The following MIPEP variants were observed in gnomAD, a reference collection of about 807,000 sequenced individuals.
MIPEP encodes the protein mitochondrial intermediate peptidase.
In MIPEP, 79 loss-of-function variants were observed where a neutral mutation model predicts 90.3. The observed-to-expected ratio is 0.87, with a 90% CI of 0.73 to 1.05. MIPEP has a LOEUF of 1.05. Ranked by LOEUF, MIPEP falls within the 50% of genes least tolerant of loss-of-function variation. The probability of loss-of-function intolerance (pLI) is 0.00; values close to 1 mark genes in which losing one functional copy is unlikely to be tolerated. For missense variants in MIPEP, 940 were observed against 905.6 expected, an observed-to-expected ratio of 1.04 and a Z score of -0.49; for synonymous variants, 334 against 315.8, an observed-to-expected ratio of 1.06 and a Z score of -0.61.
chr13:23,823,184 G>C (rs1206108735), intron 14 of MIPEP, among the ~76,000 whole-genome samples: 1 of 152,100 alleles, frequency 6.6e-6, no homozygotes, highest in Non-Finnish European at 1.5e-5. Context: ...CCGTAAGGAG[G>C]AGCACTGTGT....
chr13:23,780,455 C>A (rs371749479), intron 16 of MIPEP, among the ~76,000 whole-genome samples: 5 of 151,628 alleles, frequency 3.3e-5, no homozygotes, highest in African/African-American at 9.7e-5. Context: ...CCCATCTGTA[C>A]GTCACCATCA....
At position 23,800,140 on chromosome 13, in the gene MIPEP, CAG is replaced by C. The variant is rs555235581; in HGVS notation, c.1848+5808_1848+5809del. On this transcript the variant is annotated intron_variant, in intron 16 of 18. Transcript: ENST00000382172. ...AAAACACTAAAATACAACTGCTTAA[CAG>C]ATCTTCAAAACCTAGAGTCAGCTGT... 5.3e-5 allele frequency among the ~76,000 whole-genome samples: 8 copies of C among 152,310 alleles called. No homozygotes were observed. The East Asian group carries it at 1.5e-3, about 29-fold the overall frequency.
At chr13:23,845,727 T>C (rs1869507528) in intron 10 of MIPEP, among the ~76,000 whole-genome samples, 1 of 152,242 alleles carries the variant, frequency 6.6e-6, no homozygotes, top group Admixed American at 6.5e-5. Flanking sequence ...CTTACATTCC[T>C]ACCTGCAGTG....
At chr13:23,820,236 A>G (rs1953290367) in intron 14 of MIPEP, among the ~76,000 whole-genome samples, 1 of 152,252 alleles carries the variant, frequency 6.6e-6, no homozygotes, top group Non-Finnish European at 1.5e-5. Context: ...TTGACTGAAC[A>G]GAGGCCCTGC....
At chr13:23,787,566 T>C (rs967194292) in intron 16 of MIPEP, among the ~76,000 whole-genome samples, 4 of 152,182 alleles carry the variant, frequency 2.6e-5, no homozygotes, top group Admixed American at 1.3e-4. Context: ...ACCATCCTAT[T>C]CATTTTCATT....
intron 4 of MIPEP, 79 bp from the exon 5 acceptor site, chr13:23,874,988 A>G (rs924303398): frequency 3.0e-5 from 39 of 1,278,800 alleles, no homozygotes; most frequent in Middle Eastern, 2.2e-4. Flanking sequence ...TGTTAAATAA[A>G]TAAGTCTTTT....
At chr13:23,777,137 C>T (rs532609979) in intron 16 of MIPEP, among the ~76,000 whole-genome samples, 2 of 152,040 alleles carry the variant, frequency 1.3e-5, no homozygotes, top group African/African-American at 2.4e-5. Flanking sequence ...GTGGCTTATT[C>T]TGACTTTACC....
chr13:23,864,124 GT>G lies in MIPEP; in HGVS notation c.992+16del. ...TAACATATAACCAAAAAACTAAATA[GT>G]AGAATAAAAACTAACCTTTCAGAAA... On this transcript the variant is annotated intron_variant, in intron 8 of 18. Coordinates refer to ENST00000382172, the MANE Select transcript of MIPEP (RefSeq NM_005932.4). 7.0e-7 allele frequency: 1 copy of G among 1,433,774 alleles called. No homozygotes were observed. The highest frequency in any genetic ancestry group is 9.6e-7 in the Non-Finnish European group (1 of 1,046,826). The allele number at this position is 1,433,774 out of a possible 1,614,324, so 88.8% of individuals were successfully genotyped here. A position where few individuals can be genotyped will look rare whatever the true frequency, so the allele number is the denominator to read the frequency against.
chr13:23,875,560 A>T (rs866087401), intron 4 of MIPEP, among the ~76,000 whole-genome samples: 57 of 148,796 alleles, frequency 3.8e-4, no homozygotes, highest in African/African-American at 8.4e-4. Flanking sequence ...TATTTTTTTT[A>T]AAAAAAACCA....
rs140418499 is a variant in MIPEP, at chr13:23,736,673, G to C, written c.2045-6228C>G. On this transcript the variant is annotated intron_variant, in intron 18 of 18. Transcript: ENST00000382172. ...GACATACAGCTGGAGAGAAAGTGAG[G>C]AGAAAAATACCATGCAGGAGGACTT... Among the ~76,000 whole-genome samples the C allele has an allele frequency of 2.7e-3, 416 of 152,248 alleles. 4 individuals carry two copies. The highest frequency in any genetic ancestry group is 9.5e-3 in the African/African-American group (395 of 41,544).
chr13:23,746,965 C>T (rs914798598), intron 18 of MIPEP, among the ~76,000 whole-genome samples: 3 of 152,178 alleles, frequency 2.0e-5, no homozygotes, highest in Non-Finnish European at 2.9e-5. Flanking sequence ...ACTGTCAAAA[C>T]AAGCACTACC....
Position 23,822,777 on chromosome 13 carries a change from G to A in MIPEP, c.1654-12853C>T, listed in dbSNP as rs369262356. Reference sequence around the variant, plus strand: ...TTATATTAAGAAGGTAAAAATCTGTGTCTTGCTCAGAATTGCAACTTTTTT... The same window carrying A: ...TTATATTAAGAAGGTAAAAATCTGTATCTTGCTCAGAATTGCAACTTTTTT... On this transcript the variant is annotated intron_variant, in intron 14 of 18. Coordinates refer to ENST00000382172, the MANE Select transcript of MIPEP (RefSeq NM_005932.4). Among the ~76,000 whole-genome samples the A allele has an allele frequency of 2.6e-5, 4 of 151,448 alleles. No individual in the cohort carries two copies. In the East Asian group the frequency reaches 7.8e-4, roughly 29 times the overall value.
At chr13:23,774,726 A>G (rs953902708) in intron 16 of MIPEP, among the ~76,000 whole-genome samples, 5 of 151,800 alleles carry the variant, frequency 3.3e-5, no homozygotes, top group African/African-American at 1.2e-4. Flanking sequence ...AATACAGAAA[A>G]ACAATTTTTG....
At chr13:23,808,200 G>A (rs1222965360) in intron 15 of MIPEP, among the ~76,000 whole-genome samples, 5 of 151,524 alleles carry the variant, frequency 3.3e-5, no homozygotes, top group Admixed American at 6.6e-5. Context: ...CCGGGTTCAC[G>A]CCATTCTCCT....
intron 18 of MIPEP, among the ~76,000 whole-genome samples, chr13:23,748,318 G>C (rs1170201786): frequency 6.9e-6 from 1 of 145,210 alleles, no homozygotes. Flanking sequence ...GCTGAGCCCT[G>C]TAACAGGGGC....
chr13:23,796,195 G>A (rs574424877), intron 16 of MIPEP, among the ~76,000 whole-genome samples: 3 of 152,256 alleles, frequency 2.0e-5, no homozygotes, highest in African/African-American at 7.2e-5. Context: ...GAGGTGGGCG[G>A]ATAACTTGAG....
At position 23,874,909 on chromosome 13, in the gene MIPEP, C is replaced by T. The variant is rs761421607; in HGVS notation, c.540G>A (p.Arg180=). 1 of 1,596,466 alleles carries T rather than the reference C, an allele frequency of 6.3e-7. No individual in the cohort carries two copies. Among genetic ancestry groups the T allele is most frequent in the Non-Finnish European group, 8.5e-7 (1 of 1,174,518 alleles). ...KLVDSLDPET[R]RVAELFMFDF... ...CAAACATAAACAGTTCAGCCACTCG[C>T]CTATAAATGAAATGAGCCCCAGGTT... Residue 180 remains arginine (R), a splice_region_variant and synonymous_variant, in exon 5 of 19, where the codon AGG becomes AGA. Coordinates refer to ENST00000382172, the MANE Select transcript of MIPEP (RefSeq NM_005932.4).
chr13:23,779,504 G>C (rs1952754631), intron 16 of MIPEP, among the ~76,000 whole-genome samples: 1 of 152,154 alleles, frequency 6.6e-6, no homozygotes. Flanking sequence ...AATAGGAACA[G>C]CTCCAGTCTA....
intron 4 of MIPEP, 82 bp from the exon 5 acceptor site, chr13:23,874,991 A>T: frequency 8.6e-7 from 1 of 1,157,590 alleles, no homozygotes; most frequent in Non-Finnish European, 1.2e-6. Flanking sequence ...TAAATAAATA[A>T]GTCTTTTTCA....
Sources: allele counts gnomAD v4.1 joint callset (sites outside exome capture counted in the v4.1 genomes callset), GRCh38; gene constraint gnomAD v4.1.1; transcripts MANE v1.5; gene names NCBI Gene and HGNC (gene_info 2026-07-23, HGNC 2026-07-21).